The following KCNQ5 variants were observed in gnomAD, a reference collection of about 807,000 sequenced individuals.
The protein encoded by KCNQ5 is potassium voltage-gated channel subfamily Q member 5.
In KCNQ5, 30 loss-of-function variants were observed where a neutral mutation model predicts 98.2. That is an observed-to-expected ratio of 0.31 (90% CI 0.23 to 0.41). The LOEUF (loss-of-function observed/expected upper bound fraction) is 0.41. Ranked by LOEUF, KCNQ5 falls within the 10% of genes least tolerant of loss-of-function variation. The pLI is 1.00. For missense variants in KCNQ5, 835 were observed against 1,182.5 expected (o/e 0.71, Z 4.31); for synonymous variants, 458 against 449.4 (o/e 1.02, Z -0.24).
intron 1 of KCNQ5, among the ~76,000 whole-genome samples, chr6:72,784,064 C>G (rs1388628916): frequency 6.6e-6 from 1 of 152,168 alleles, no homozygotes; most frequent in African/African-American, 2.4e-5. Flanking sequence ...GCCACACCAC[C>G]TCTCCTGGCT....
chr6:73,104,304 A>G (rs1156242234), intron 5 of KCNQ5, among the ~76,000 whole-genome samples: 1 of 152,170 alleles, frequency 6.6e-6, no homozygotes, highest in Non-Finnish European at 1.5e-5. Context: ...CTATACATTA[A>G]CAACAAACTT....
At chr6:72,763,798 G>A (rs1289725536) in intron 1 of KCNQ5, among the ~76,000 whole-genome samples, 4 of 151,934 alleles carry the variant, frequency 2.6e-5, no homozygotes, top group Non-Finnish European at 5.9e-5. Flanking sequence ...AGTCCCTTGA[G>A]GGGTAAACAT....
At chr6:73,016,592 C>G (rs1011681568) in intron 2 of KCNQ5, among the ~76,000 whole-genome samples, 39 of 152,138 alleles carry the variant, frequency 2.6e-4, no homozygotes, top group African/African-American at 9.2e-4. Flanking sequence ...TTAGAATGGA[C>G]TAGAGCAGAG....
intron 1 of KCNQ5, among the ~76,000 whole-genome samples, chr6:72,856,473 C>T (rs12202586): frequency 0.1 from 5,428 of 52,284 alleles, 235 homozygotes; most frequent in East Asian, 0.4. Context: ...CACATATATA[C>T]ACACACACAC....
chr6:72,980,526 A>G (rs902670443), intron 1 of KCNQ5, among the ~76,000 whole-genome samples: 3 of 152,206 alleles, frequency 2.0e-5, no homozygotes, highest in Admixed American at 6.5e-5. Context: ...ATGGATTTGT[A>G]TCCTGAGACT....
Position 72,956,554 on chromosome 6 carries a change from T to A in KCNQ5, c.399-47354T>A, listed in dbSNP as rs147026869. 6.7e-3 allele frequency among the ~76,000 whole-genome samples: 1,003 copies of A among 149,970 alleles called. 8 individuals carry two copies. The highest frequency in any genetic ancestry group is 0.023 in the African/African-American group (951 of 40,912). ...TTTCTTTCTTTCTTTCTTTTATTTT[T>A]TTTATTTTTTTATTTTTTATTTTTT... On this transcript the variant is annotated intron_variant, in intron 1 of 13. Coordinates refer to ENST00000370398, the MANE Select transcript of KCNQ5 (RefSeq NM_019842.4).
chr6:72,746,783 T>C (rs1771427820), intron 1 of KCNQ5, among the ~76,000 whole-genome samples: 1 of 152,176 alleles, frequency 6.6e-6, no homozygotes, highest in Non-Finnish European at 1.5e-5. Flanking sequence ...TACCAGATAA[T>C]ACATCAAGAA....
chr6:72,907,127 A>G (rs1477637659), intron 1 of KCNQ5, among the ~76,000 whole-genome samples: 1 of 152,120 alleles, frequency 6.6e-6, no homozygotes, highest in Non-Finnish European at 1.5e-5. Flanking sequence ...AATGTTTATT[A>G]CTTTAACTGT....
Position 72,956,355 on chromosome 6 carries a change from G to A in KCNQ5, c.399-47553G>A, listed in dbSNP as rs555708473. On this transcript the variant is annotated intron_variant, in intron 1 of 13. Transcript: ENST00000370398. Reference sequence around the variant, plus strand: ...TGACTTCAGTGTCTAACCTTCCCTCGTGTTTAAATACTCTTTCCAGGATAG... The same window carrying A: ...TGACTTCAGTGTCTAACCTTCCCTCATGTTTAAATACTCTTTCCAGGATAG... 4.6e-4 allele frequency among the ~76,000 whole-genome samples: 70 copies of A among 152,082 alleles called. 1 individual carries two copies. Among genetic ancestry groups the A allele is most frequent in the Middle Eastern group, 3.4e-3 (1 of 294 alleles).
chr6:72,646,800 C>T (rs1473380111), intron 1 of KCNQ5, among the ~76,000 whole-genome samples: 6 of 152,180 alleles, frequency 3.9e-5, no homozygotes, highest in African/African-American at 1.4e-4. Context: ...AATCACCATC[C>T]GGCCATGTCT....
intron 1 of KCNQ5, among the ~76,000 whole-genome samples, chr6:72,895,585 G>A (rs999684822): frequency 2.3e-4 from 35 of 150,800 alleles, no homozygotes; most frequent in African/African-American, 7.8e-4. Context: ...AGTCATTACC[G>A]TGTACAGTGT....
intron 1 of KCNQ5, among the ~76,000 whole-genome samples, chr6:72,866,247 T>C (rs933021898): frequency 7.0e-6 from 1 of 143,726 alleles, no homozygotes; most frequent in African/African-American, 2.6e-5. Context: ...TCCTCCGCCA[T>C]CTCCCTTTTT....
intron 1 of KCNQ5, among the ~76,000 whole-genome samples, chr6:72,753,312 C>G (rs1380977943): frequency 6.6e-6 from 1 of 151,718 alleles, no homozygotes; most frequent in African/African-American, 2.4e-5. Context: ...GAGTTGGATC[C>G]CATTTTACAG....
chr6:72,823,017 C>A (rs181248714), intron 1 of KCNQ5, among the ~76,000 whole-genome samples: 42 of 152,226 alleles, frequency 2.8e-4, no homozygotes, highest in Admixed American at 1.1e-3. Context: ...CCACCTTGAT[C>A]ATATAGGATA....
intron 5 of KCNQ5, among the ~76,000 whole-genome samples, chr6:73,100,730 A>ATTT (rs1226639195): frequency 2.0e-5 from 3 of 151,994 alleles, no homozygotes; most frequent in South Asian, 2.1e-4. Context: ...GATAAACAAA[A>ATTT]ATGACAAACT....
intron 1 of KCNQ5, among the ~76,000 whole-genome samples, chr6:72,640,252 G>A (rs2098926459): frequency 6.6e-6 from 1 of 151,452 alleles, no homozygotes; most frequent in Admixed American, 6.6e-5. Context: ...TGGGCAAATC[G>A]TAAACCCCTC....
chr6:72,727,951 G>T (rs533150087), intron 1 of KCNQ5, among the ~76,000 whole-genome samples: 39 of 152,276 alleles, frequency 2.6e-4, no homozygotes, highest in African/African-American at 8.9e-4. Flanking sequence ...GCTATATGAG[G>T]CAGGGTCTTC....
chr6:72,705,703 G>A (rs990196886), intron 1 of KCNQ5, among the ~76,000 whole-genome samples: 37 of 151,732 alleles, frequency 2.4e-4, no homozygotes, highest in African/African-American at 9.0e-4. Context: ...AAAAAATAAG[G>A]TAGGAAAGAA....
chr6:73,132,762 C>T (rs149379945), intron 9 of KCNQ5, among the ~76,000 whole-genome samples: 47 of 152,336 alleles, frequency 3.1e-4, no homozygotes, highest in African/African-American at 1.1e-3. Context: ...ACATCTCATT[C>T]TCTTCATCAG....
Sources: allele counts gnomAD v4.1 joint callset (sites outside exome capture counted in the v4.1 genomes callset), GRCh38; gene constraint gnomAD v4.1.1; transcripts MANE v1.5; gene names NCBI Gene and HGNC (gene_info 2026-07-23, HGNC 2026-07-21).